The following SCN10A variants were observed in gnomAD, a reference collection of about 807,000 sequenced individuals.
SCN10A encodes sodium voltage-gated channel alpha subunit 10.
In SCN10A, 162 loss-of-function variants were observed where a neutral mutation model predicts 170.7. The observed-to-expected ratio is 0.95, with a 90% CI of 0.84 to 1.08. SCN10A has a LOEUF of 1.08. Ranked by LOEUF, SCN10A falls within the 50% of genes least tolerant of loss-of-function variation. SCN10A has a pLI of 0.00. For missense variants in SCN10A, 2,527 were observed against 2,436.9 expected (o/e 1.04, Z -0.78); for synonymous variants, 985 against 904.6 (o/e 1.09, Z -1.59).
intron 1 of SCN10A, among the ~76,000 whole-genome samples, chr3:38,813,358 C>G (rs1425141806): frequency 1.3e-5 from 2 of 152,150 alleles, no homozygotes; most frequent in Non-Finnish European, 2.9e-5. Context: ...TGCCAGTAAC[C>G]AGCTACATGG....
At chr3:38,716,774 T>A (rs2063338408) in intron 21 of SCN10A, among the ~76,000 whole-genome samples, 1 of 152,042 alleles carries the variant, frequency 6.6e-6, no homozygotes, top group Admixed American at 6.5e-5. Flanking sequence ...AAGAGAAGGA[T>A]GGATGGCTGG....
chr3:38,749,050 G>A (rs1017118627), intron 13 of SCN10A, among the ~76,000 whole-genome samples: 1 of 152,176 alleles, frequency 6.6e-6, no homozygotes, highest in Admixed American at 6.5e-5. Context: ...TAAATTACTG[G>A]CTAGTTCTAC....
intron 6 of SCN10A, 47 bp downstream of exon 6, chr3:38,763,458 G>C: frequency 7.2e-7 from 1 of 1,385,138 alleles, no homozygotes; most frequent in Non-Finnish European, 1.0e-6. Flanking sequence ...TTAGAGAAGG[G>C]AGTTAGGCTG....
chr3:38,792,109 C>A lies in SCN10A; in HGVS notation c.330G>T (p.Leu110=), dbSNP rs979046661. 6.2e-7 allele frequency: 1 copy of A among 1,613,928 alleles called. No individual in the cohort carries two copies. Among genetic ancestry groups the A allele is most frequent in the Non-Finnish European group, 8.5e-7 (1 of 1,179,854 alleles). ...TCAGGTTGAAAGGACTGAATAGCCA[C>A]AGGGCCCGAGTGGCACTAAACCGGG... is the stretch of plus-strand genomic sequence containing the variant. The part of the protein sequence containing the change: ...TISRFSATRA[L]WLFSPFNLIR... The change falls in exon 3 of 28, where the codon CTG becomes CTT. Residue 110 remains leucine, a synonymous_variant. Transcript: ENST00000449082.
intron 4 of SCN10A, among the ~76,000 whole-genome samples, chr3:38,776,410 A>G (rs979662334): frequency 2.0e-5 from 3 of 152,050 alleles, no homozygotes; most frequent in African/African-American, 7.2e-5. Flanking sequence ...GAATTGTGAT[A>G]TTATGCAAAG....
chr3:38,737,563 G>A (rs182411879), intron 15 of SCN10A, among the ~76,000 whole-genome samples: 4 of 152,240 alleles, frequency 2.6e-5, no homozygotes, highest in East Asian at 3.9e-4. Flanking sequence ...ATCAACCAGC[G>A]TTTCATGGCA....
intron 1 of SCN10A, among the ~76,000 whole-genome samples, chr3:38,814,810 T>TA (rs1056760207): frequency 6.6e-6 from 1 of 152,230 alleles, no homozygotes; most frequent in Non-Finnish European, 1.5e-5. Context: ...AAACCAACTT[T>TA]ATGCCATTTC....
At chr3:38,729,775 A>G (rs377649113) in intron 15 of SCN10A, among the ~76,000 whole-genome samples, 5 of 152,376 alleles carry the variant, frequency 3.3e-5, no homozygotes, top group African/African-American at 1.2e-4. Flanking sequence ...TTTATGGAGC[A>G]CCTACTAAGA....
chr3:38,722,014 A>ACACT (rs2063394717), intron 20 of SCN10A, among the ~76,000 whole-genome samples: 1 of 152,188 alleles, frequency 6.6e-6, no homozygotes, highest in Non-Finnish European at 1.5e-5. Flanking sequence ...TGGGAGGCAT[A>ACACT]CACTCACTCA....
intron 1 of SCN10A, among the ~76,000 whole-genome samples, chr3:38,808,331 T>C (rs2064418565): frequency 6.6e-6 from 1 of 152,226 alleles, no homozygotes; most frequent in Admixed American, 6.5e-5. Context: ...GTGTCAGTTT[T>C]TCAGAACAAC....
intron 3 of SCN10A, among the ~76,000 whole-genome samples, chr3:38,791,167 G>A (rs1224350780): frequency 6.6e-6 from 1 of 152,164 alleles, no homozygotes; most frequent in Non-Finnish European, 1.5e-5. Flanking sequence ...TGAGGCAGGT[G>A]TATTCTTGTA....
intron 1 of SCN10A, among the ~76,000 whole-genome samples, chr3:38,809,930 G>A (rs1318270265): frequency 6.6e-6 from 1 of 152,220 alleles, no homozygotes; most frequent in Non-Finnish European, 1.5e-5. Context: ...AGAGAAGCTA[G>A]TGAAGGCTTC....
chr3:38,703,264 C>G (rs2063175833), intron 26 of SCN10A, among the ~76,000 whole-genome samples: 1 of 152,230 alleles, frequency 6.6e-6, no homozygotes, highest in Admixed American at 6.5e-5. Flanking sequence ...TTTGCCCACT[C>G]TTGGCTATTA....
intron 8 of SCN10A, among the ~76,000 whole-genome samples, chr3:38,757,389 T>A (rs1274339500): frequency 6.6e-6 from 1 of 152,128 alleles, no homozygotes; most frequent in Non-Finnish European, 1.5e-5. Flanking sequence ...GGGAGTGGCC[T>A]GGGGAAGGCA....
In SCN10A at chr3:38,750,227, C is replaced by T. The variant is rs919950472; in HGVS notation, c.1756-43G>A. 2.6e-6 allele frequency: 3 copies of T among 1,165,370 alleles called. No individual in the cohort carries two copies. In the African/African-American group the frequency reaches 4.5e-5, roughly 18 times the overall value. 72.2% of individuals were successfully genotyped at this position (1,165,370 alleles called of 1,614,324 possible). A position where few individuals can be genotyped will look rare whatever the true frequency, so the allele number is the denominator to read the frequency against. On this transcript the variant is annotated intron_variant, in intron 12 of 27. Coordinates refer to ENST00000449082, the MANE Select transcript of SCN10A (RefSeq NM_006514.4). ...GAGTCAGGACGCTCCTTTAACCTGA[C>T]ATCTTCATGGCAAAGTTGGATCATT...
At chr3:38,788,562 C>A (rs1341774042) in intron 4 of SCN10A, among the ~76,000 whole-genome samples, 3 of 151,044 alleles carry the variant, frequency 2.0e-5, no homozygotes, top group African/African-American at 7.3e-5. Context: ...CAAAAGCATA[C>A]CTTCTCTAAG....
intron 25 of SCN10A, among the ~76,000 whole-genome samples, chr3:38,708,673 G>T (rs989628760): frequency 6.6e-6 from 1 of 152,186 alleles, no homozygotes; most frequent in Middle Eastern, 3.2e-3. Flanking sequence ...TCTTTGTTCA[G>T]GATTTTGTTT....
intron 4 of SCN10A, among the ~76,000 whole-genome samples, chr3:38,774,687 T>G (rs1412883422): frequency 6.6e-6 from 1 of 152,224 alleles, no homozygotes; most frequent in Non-Finnish European, 1.5e-5. Context: ...ACCCAACTTG[T>G]ATTCATAAAA....
chr3:38,757,268 T>A (rs2063819460), intron 8 of SCN10A, 109 bp from the exon 9 acceptor site: 6 of 1,077,094 alleles, frequency 5.6e-6, no homozygotes, highest in Middle Eastern at 2.4e-4. Context: ...CAAGACCTAG[T>A]CTTCCTCTTA....
Sources: gnomAD v4.1 joint callset for allele counts (sites outside exome capture counted in the v4.1 genomes callset) on GRCh38, gnomAD v4.1.1 for gene constraint, MANE v1.5 for transcripts, NCBI Gene and HGNC (gene_info 2026-07-23, HGNC 2026-07-21) for gene names.